Variants in ALX4 observed in about 807,000 individuals in gnomAD.
ALX4 encodes homeobox protein aristaless-like 4.
ALX4 carries 22 observed loss-of-function variants against 40.6 expected under a neutral mutation model. That is an observed-to-expected ratio of 0.54 (90% CI 0.39 to 0.77). The LOEUF (loss-of-function observed/expected upper bound fraction) is 0.77. ALX4 is among the 30% of genes least tolerant of loss of function. The probability of loss-of-function intolerance (pLI) is 0.00; values close to 1 mark genes in which losing one functional copy is unlikely to be tolerated. For missense variants in ALX4, 556 were observed against 564.8 expected, an observed-to-expected ratio of 0.98 and a Z score of 0.16; for synonymous variants, 266 against 240.5, an observed-to-expected ratio of 1.11 and a Z score of -0.98.
At chr11:44,284,375 C>T (rs560617541) in intron 1 of ALX4, among the ~76,000 whole-genome samples, 1 of 152,062 alleles carries the variant, frequency 6.6e-6, no homozygotes, top group South Asian at 2.1e-4. Context: ...GAGACAAGCA[C>T]CACTTGGAGA....
intron 2 of ALX4, among the ~76,000 whole-genome samples, chr11:44,269,085 CCT>C (rs1160243110): frequency 6.6e-6 from 1 of 152,244 alleles, no homozygotes; most frequent in African/African-American, 2.4e-5. Context: ...TCTCAAAATT[CCT>C]CTGCCTCAGA....
intron 2 of ALX4, among the ~76,000 whole-genome samples, chr11:44,268,841 G>T (rs1956228513): frequency 6.6e-6 from 1 of 152,174 alleles, no homozygotes; most frequent in Non-Finnish European, 1.5e-5. Context: ...TTGTCTGCTG[G>T]CTTTGCAGAC....
chr11:44,275,076 C>G (rs187973358), intron 2 of ALX4, among the ~76,000 whole-genome samples: 1 of 152,298 alleles, frequency 6.6e-6, no homozygotes, highest in Admixed American at 6.5e-5. Context: ...CCAGCAGCAG[C>G]CTTCCTGCCC....
intron 1 of ALX4, among the ~76,000 whole-genome samples, chr11:44,293,371 G>C (rs2119859396): frequency 6.6e-6 from 1 of 151,992 alleles, no homozygotes; most frequent in Admixed American, 6.6e-5. Flanking sequence ...CTGAGGTCAG[G>C]AGTTCGAGAC....
chr11:44,285,698 ATTTTTT>A (rs1051238838), intron 1 of ALX4, among the ~76,000 whole-genome samples: 1 of 137,246 alleles, frequency 7.3e-6, no homozygotes, highest in African/African-American at 2.7e-5. Flanking sequence ...TTTTTTTTTT[ATTTTTT>A]AACTATGGAA....
At chr11:44,278,003 T>G (rs1485612812) in intron 1 of ALX4, among the ~76,000 whole-genome samples, 1 of 147,802 alleles carries the variant, frequency 6.8e-6, no homozygotes, top group Non-Finnish European at 1.5e-5. Context: ...ATACATTTTA[T>G]GTTTTAGGTT....
At chr11:44,308,618 G>A (rs770170821) in intron 1 of ALX4, among the ~76,000 whole-genome samples, 3 of 152,262 alleles carry the variant, frequency 2.0e-5, no homozygotes, top group Non-Finnish European at 4.4e-5. Context: ...GGCTAGAGAC[G>A]TCCTTGAGTG....
chr11:44,304,111 T>A (rs1020293719), intron 1 of ALX4, among the ~76,000 whole-genome samples: 1 of 152,172 alleles, frequency 6.6e-6, no homozygotes, highest in Non-Finnish European at 1.5e-5. Context: ...CACAGGACGG[T>A]CGGCTTCCAC....
Position 44,264,991 on chromosome 11 carries a change from G to C in ALX4, c.1099C>G (p.Leu367Val), listed in dbSNP as rs1956204294. The C allele has an allele frequency of 6.2e-7, 1 of 1,612,994 alleles. No individual in the cohort carries two copies. The highest frequency in any genetic ancestry group is 8.5e-7 in the Non-Finnish European group (1 of 1,179,948). ...SHVGQTHMGS[L>V]FGAASLSPGL... The stretch of plus-strand genomic sequence containing the variant: ...GGGCTGAGGCTGGCTGCTCCAAACA[G>C]GCTGCCCATGTGCGTCTGGCCCACG... Residue 367 changes from leucine (L) to valine (V), a missense_variant, in exon 4 of 4, where the codon CTG becomes GTG. Physicochemically the swap from Leu to Val is conservative, Grantham distance 32. Coordinates refer to ENST00000652299, the MANE Select transcript of ALX4 (RefSeq NM_021926.4).
chr11:44,307,939 T>C (rs1376995342), intron 1 of ALX4, among the ~76,000 whole-genome samples: 6 of 152,008 alleles, frequency 3.9e-5, no homozygotes, highest in African/African-American at 1.4e-4. Flanking sequence ...TGGGTGTCTG[T>C]GTGTGGAACT....
intron 2 of ALX4, among the ~76,000 whole-genome samples, chr11:44,271,603 A>G (rs1331731674): frequency 6.6e-6 from 1 of 152,036 alleles, no homozygotes; most frequent in Non-Finnish European, 1.5e-5. Flanking sequence ...TTACCACATT[A>G]CCTCTGCATT....
chr11:44,270,438 G>C (rs1194356555), intron 2 of ALX4, among the ~76,000 whole-genome samples: 2 of 152,056 alleles, frequency 1.3e-5, no homozygotes, highest in African/African-American at 2.4e-5. Context: ...TGCGCACCCA[G>C]TTCTGGCTTT....
chr11:44,304,531 G>T (rs942495001), intron 1 of ALX4, among the ~76,000 whole-genome samples: 1 of 152,144 alleles, frequency 6.6e-6, no homozygotes, highest in African/African-American at 2.4e-5. Flanking sequence ...TCTGAGCCGC[G>T]GGGGCTCCGG....
intron 2 of ALX4, among the ~76,000 whole-genome samples, chr11:44,270,170 G>A (rs1956237210): frequency 6.6e-6 from 1 of 152,166 alleles, no homozygotes; most frequent in Admixed American, 6.5e-5. Context: ...GGAGTGGAAT[G>A]TGGGGCGCGG....
chr11:44,264,566 C>G lies in ALX4; in HGVS notation c.*288G>C. On this transcript the variant is annotated 3_prime_UTR_variant, in exon 4 of 4. Coordinates refer to ENST00000652299, the MANE Select transcript of ALX4 (RefSeq NM_021926.4). ...GGCGGGAGCAAGAAAGCGCTTTCAG[C>G]TTATCATGGATGCGAAGCTGAAAAA... 1.8e-6 allele frequency: 1 copy of G among 541,758 alleles called. No individual in the cohort carries two copies. The allele number at this position is 541,758 out of a possible 1,614,324, so 33.6% of individuals were successfully genotyped here. A position where few individuals can be genotyped will look rare whatever the true frequency, so the allele number is the denominator to read the frequency against.
At chr11:44,265,992 C>G (rs554554410) in intron 3 of ALX4, among the ~76,000 whole-genome samples, 1 of 152,270 alleles carries the variant, frequency 6.6e-6, no homozygotes, top group South Asian at 2.1e-4. Context: ...CCGGGAACCT[C>G]TCAGCTTATG....
At chr11:44,265,287 C>T (rs1261691841) in intron 3 of ALX4, 104 bp from the exon 4 acceptor site, 6 of 1,103,652 alleles carry the variant, frequency 5.4e-6, no homozygotes, top group Non-Finnish European at 7.7e-6. Context: ...TCCATCCTTC[C>T]CATGAAGCCC....
chr11:44,267,176 A>C (rs920143959), intron 3 of ALX4, among the ~76,000 whole-genome samples: 2 of 152,178 alleles, frequency 1.3e-5, no homozygotes, highest in Admixed American at 1.3e-4. Flanking sequence ...GCGGTATCTG[A>C]GGGCCTGGTG....
At chr11:44,267,931 G>A (rs968828414) in intron 2 of ALX4, among the ~76,000 whole-genome samples, 2 of 152,160 alleles carry the variant, frequency 1.3e-5, no homozygotes, top group African/African-American at 4.8e-5. Flanking sequence ...ACAAGTCACT[G>A]GTCATCTTAG....
Sources: gnomAD v4.1 joint callset for allele counts (sites outside exome capture counted in the v4.1 genomes callset) on GRCh38, gnomAD v4.1.1 for gene constraint, MANE v1.5 for transcripts, NCBI Gene and HGNC (gene_info 2026-07-23, HGNC 2026-07-21) for gene names.